Variants in PTPRD observed in about 807,000 individuals in gnomAD.
PTPRD encodes protein tyrosine phosphatase receptor type D, also known as receptor-type tyrosine-protein phosphatase delta.
A neutral mutation model predicts 214.5 loss-of-function variants in PTPRD; 34 were observed. That is an observed-to-expected ratio of 0.16 (90% CI 0.12 to 0.21). The LOEUF is 0.21. PTPRD is among the 10% of genes least tolerant of loss of function. PTPRD has a pLI of 1.00. For synonymous variants in PTPRD, 1,128 were observed against 845.7 expected (o/e 1.33, Z -5.79); for missense variants, 2,545 against 2,398.7 (o/e 1.06, Z -1.27).
intron 39 of PTPRD, among the ~76,000 whole-genome samples, chr9:8,347,652 T>C (rs2074250397): frequency 6.6e-6 from 1 of 152,154 alleles, no homozygotes; most frequent in African/African-American, 2.4e-5. Flanking sequence ...CCAGTGTGAC[T>C]GTATTGGACA....
At chr9:8,849,623 G>A (rs150928421) in intron 11 of PTPRD, among the ~76,000 whole-genome samples, 2 of 152,318 alleles carry the variant, frequency 1.3e-5, no homozygotes, top group Admixed American at 6.5e-5. Flanking sequence ...GGATACAAGT[G>A]AGGACAGCTG....
At chr9:9,228,356 A>G (rs937818050) in intron 9 of PTPRD, among the ~76,000 whole-genome samples, 1 of 152,124 alleles carries the variant, frequency 6.6e-6, no homozygotes, top group Non-Finnish European at 1.5e-5. Context: ...TTTTATAAAT[A>G]CATCTTATTG....
At position 9,767,740 on chromosome 9, in the gene PTPRD, A is replaced by G. The variant is rs552928808; in HGVS notation, c.-367-889T>C. 2.6e-5 allele frequency among the ~76,000 whole-genome samples: 4 copies of G among 152,232 alleles called. No individual in the cohort carries two copies. In the South Asian group the frequency reaches 8.3e-4, roughly 32 times the overall value. ...CTATTTTGGAGTAAAATTTTTTGCT[A>G]TGAATGAAAAATAACACCCTAAAAA... On this transcript the variant is annotated intron_variant, in intron 5 of 45. Coordinates refer to ENST00000381196, the MANE Select transcript of PTPRD (RefSeq NM_002839.4).
At chr9:9,370,094 G>T (rs993788432) in intron 9 of PTPRD, among the ~76,000 whole-genome samples, 13 of 152,084 alleles carry the variant, frequency 8.5e-5, no homozygotes, top group Admixed American at 7.2e-4. Context: ...GGCGATGCGG[G>T]CTCTTTTTTC....
chr9:8,726,028 C>CAG (rs1413753032), intron 12 of PTPRD, among the ~76,000 whole-genome samples: 219 of 91,236 alleles, frequency 2.4e-3, no homozygotes, highest in East Asian at 6.1e-3. Context: ...GACAGACAGA[C>CAG]ACACACACAC....
intron 10 of PTPRD, among the ~76,000 whole-genome samples, chr9:9,056,447 A>G (rs942297850): frequency 6.6e-6 from 1 of 152,214 alleles, no homozygotes; most frequent in Non-Finnish European, 1.5e-5. Context: ...GTAAGTGCTG[A>G]CCACCTAACC....
chr9:8,665,750 A>G (rs1036983545), intron 12 of PTPRD, among the ~76,000 whole-genome samples: 2 of 152,218 alleles, frequency 1.3e-5, no homozygotes, highest in African/African-American at 2.4e-5. Flanking sequence ...AACAAAAGTC[A>G]CAGTCCCTTT....
chr9:10,496,797 G>A (rs1331171411), intron 2 of PTPRD, among the ~76,000 whole-genome samples: 2 of 151,930 alleles, frequency 1.3e-5, no homozygotes, highest in Non-Finnish European at 2.9e-5. Flanking sequence ...ACACTTTAAC[G>A]GGGTTATGTG....
At chr9:10,249,717 C>T (rs562329748) in intron 3 of PTPRD, among the ~76,000 whole-genome samples, 4 of 152,172 alleles carry the variant, frequency 2.6e-5, no homozygotes, top group African/African-American at 9.6e-5. Context: ...TACAATTAGA[C>T]AATATATTAA....
At chr9:8,934,231 A>G (rs2098973220) in intron 11 of PTPRD, among the ~76,000 whole-genome samples, 1 of 150,924 alleles carries the variant, frequency 6.6e-6, no homozygotes, top group Admixed American at 6.7e-5. Flanking sequence ...TTTGGTACCT[A>G]AACAATTTAC....
intron 8 of PTPRD, among the ~76,000 whole-genome samples, chr9:9,456,800 C>G (rs1364790775): frequency 2.6e-5 from 4 of 151,820 alleles, no homozygotes; most frequent in African/African-American, 9.7e-5. Context: ...AGTCACCCAA[C>G]TGGTAAATGT....
At chr9:9,471,171 C>A (rs900736245) in intron 8 of PTPRD, among the ~76,000 whole-genome samples, 1 of 152,134 alleles carries the variant, frequency 6.6e-6, no homozygotes, top group African/African-American at 2.4e-5. Context: ...ATCATTTTCC[C>A]AGACATATTT....
intron 8 of PTPRD, among the ~76,000 whole-genome samples, chr9:9,411,976 T>G (rs1211367803): frequency 6.6e-6 from 1 of 152,158 alleles, no homozygotes; most frequent in African/African-American, 2.4e-5. Flanking sequence ...AAAAGGTCAG[T>G]GAAGGATGCC....
At chr9:9,202,935 A>G (rs1437363722) in intron 9 of PTPRD, among the ~76,000 whole-genome samples, 1 of 152,148 alleles carries the variant, frequency 6.6e-6, no homozygotes. Flanking sequence ...CAATGTCTGA[A>G]TAGTCTCATG....
At chr9:10,198,809 T>A (rs294825) in intron 3 of PTPRD, among the ~76,000 whole-genome samples, 21,467 of 152,056 alleles carry the variant, frequency 0.14, 1,838 homozygotes, top group East Asian at 0.4. Flanking sequence ...TTTACAAAAT[T>A]GGCTTAAATA....
chr9:9,704,430 C>T (rs753945429), intron 7 of PTPRD, among the ~76,000 whole-genome samples: 6 of 152,058 alleles, frequency 3.9e-5, no homozygotes, highest in Non-Finnish European at 7.4e-5. Context: ...AAAAAGAGAA[C>T]GTTGGGTGAG....
intron 7 of PTPRD, among the ~76,000 whole-genome samples, chr9:9,720,258 T>A (rs996949522): frequency 6.6e-6 from 1 of 152,182 alleles, no homozygotes; most frequent in African/African-American, 2.4e-5. Flanking sequence ...TTTACACTTA[T>A]ACTCTCACTT....
In PTPRD at chr9:9,356,398, AT is replaced by A. The variant is rs574122099; in HGVS notation, c.-203+41050del. 1.7e-3 allele frequency among the ~76,000 whole-genome samples: 255 copies of A among 151,418 alleles called. 2 individuals are homozygous for A. The highest frequency in any genetic ancestry group is 5.6e-3 in the African/African-American group (231 of 41,460). On this transcript the variant is annotated intron_variant, in intron 9 of 45. Transcript: ENST00000381196. The stretch of plus-strand genomic sequence containing the variant: ...CTTGTTGTATAACAGCACTGGACTT[AT>A]TTTTTTCATGACCCATCACAGTCTA...
intron 10 of PTPRD, among the ~76,000 whole-genome samples, chr9:9,070,075 T>C (rs2099741561): frequency 6.6e-6 from 1 of 152,290 alleles, no homozygotes; most frequent in South Asian, 2.1e-4. Flanking sequence ...AGTCATGTAT[T>C]TCAAGTGTCA....
Sources: gnomAD v4.1 joint callset for allele counts (sites outside exome capture counted in the v4.1 genomes callset) on GRCh38, gnomAD v4.1.1 for gene constraint, MANE v1.5 for transcripts, NCBI Gene and HGNC (gene_info 2026-07-23, HGNC 2026-07-21) for gene names.